ADGRL4: variants seen among roughly 807,000 people sequenced by gnomAD.
ADGRL4 encodes the protein adhesion G protein-coupled receptor L4.
ADGRL4 carries 90 observed loss-of-function variants against 74.8 expected under a neutral mutation model. The observed-to-expected ratio is 1.20, with a 90% confidence interval of 1.02 to 1.43. The LOEUF (loss-of-function observed/expected upper bound fraction) is 1.43, where lower values mean the gene tolerates loss of function less well. Ranked by LOEUF, ADGRL4 falls within the 40% of genes most tolerant of loss-of-function variation. ADGRL4 has a pLI of 0.00. For missense variants in ADGRL4, 881 were observed against 814.3 expected (o/e 1.08, Z -1.00); for synonymous variants, 311 against 279.2 (o/e 1.11, Z -1.14).
chr1:78,917,909 T>C lies in ADGRL4; in HGVS notation c.1603A>G (p.Ile535Val). The C allele has an allele frequency of 6.2e-7, 1 of 1,612,764 alleles. No homozygotes were observed. Among genetic ancestry groups the C allele is most frequent in the Non-Finnish European group, 8.5e-7 (1 of 1,179,162 alleles). The change falls in exon 11 of 15, where the codon ATC (isoleucine) becomes GTC (valine). Residue 535 changes from isoleucine (I) to valine (V), a missense_variant. By Grantham distance (29) the Ile-to-Val change is conservative (BLOSUM62 3). Coordinates refer to ENST00000370742, the MANE Select transcript of ADGRL4 (RefSeq NM_022159.4). ...ACGGCTGGGCTTAGATAGCCAAAGA[T>C]ATAAAAATTCTTGTGCAAAAATCCC... ...NKGFLHKNFYIFGYLSPAVVV... is the reference protein window; with the variant it reads ...NKGFLHKNFYVFGYLSPAVVV...
intron 12 of ADGRL4, among the ~76,000 whole-genome samples, chr1:78,903,518 G>A (rs1327819593): frequency 6.6e-6 from 1 of 152,078 alleles, no homozygotes; most frequent in Non-Finnish European, 1.5e-5. Flanking sequence ...GTTTTAAGAA[G>A]ACAATTTGAA....
intron 2 of ADGRL4, among the ~76,000 whole-genome samples, chr1:78,970,795 C>T (rs879795582): frequency 1.3e-5 from 2 of 152,160 alleles, no homozygotes; most frequent in Admixed American, 6.5e-5. Flanking sequence ...TGTCTCAGTA[C>T]TATGGGACAC....
At chr1:78,960,730 G>A (rs1262504609) in intron 2 of ADGRL4, among the ~76,000 whole-genome samples, 7 of 152,060 alleles carry the variant, frequency 4.6e-5, no homozygotes, top group Non-Finnish European at 5.9e-5. Context: ...CAGGTGAATG[G>A]AATTAGTGCC....
intron 12 of ADGRL4, among the ~76,000 whole-genome samples, chr1:78,895,429 A>G (rs1000598507): frequency 6.6e-6 from 1 of 152,030 alleles, no homozygotes; most frequent in Non-Finnish European, 1.5e-5. Context: ...ATAATCATAC[A>G]ATCCTTATAA....
intron 3 of ADGRL4, among the ~76,000 whole-genome samples, chr1:78,943,180 A>G (rs571532667): frequency 2.0e-5 from 3 of 152,336 alleles, no homozygotes; most frequent in African/African-American, 7.2e-5. Flanking sequence ...AGCTAGAAAA[A>G]AAAATCTACA....
At chr1:79,005,002 C>A in intron 2 of ADGRL4, 68 bp downstream of exon 2, 1 of 1,448,480 alleles carries the variant, frequency 6.9e-7, no homozygotes, top group Non-Finnish European at 9.4e-7. Flanking sequence ...TTCTGGAGGA[C>A]AGAAAAGCAG....
chr1:78,996,317 T>C (rs1570278908), intron 2 of ADGRL4, among the ~76,000 whole-genome samples: 2 of 145,586 alleles, frequency 1.4e-5, no homozygotes, highest in South Asian at 2.2e-4. Context: ...GCTCTAGATA[T>C]GGAGCTGCCT....
In ADGRL4 at chr1:78,913,855, T is replaced by C. The variant is rs566887183; in HGVS notation, c.1749+3779A>G. 4.6e-5 allele frequency among the ~76,000 whole-genome samples: 7 copies of C among 152,016 alleles called. No individual in the cohort carries two copies. In the South Asian group the frequency reaches 8.3e-4, roughly 18 times the overall value. ...TTTTTGTTCTGAATACTAAGCATCC[T>C]AGTGAGGGATAGCAAGGCCCCGACT... is the stretch of plus-strand genomic sequence containing the variant. On this transcript the variant is annotated intron_variant, in intron 12 of 14. Transcript: ENST00000370742.
chr1:78,895,651 C>T lies in ADGRL4; in HGVS notation c.1750-2462G>A, dbSNP rs181664596. ...GAGAAAAACAGCATAGGAAAATCTT[C>T]AAGGCTTGAGGAGCTAAGAAAGTGA... is the stretch of plus-strand genomic sequence containing the variant. On this transcript the variant is annotated intron_variant, in intron 12 of 14. Coordinates refer to ENST00000370742, the MANE Select transcript of ADGRL4 (RefSeq NM_022159.4). Among the ~76,000 whole-genome samples, 286 of 152,168 alleles carry T rather than the reference C, an allele frequency of 1.9e-3. 1 individual carries two copies. Among genetic ancestry groups the T allele is most frequent in the Middle Eastern group, 3.4e-3 (1 of 294 alleles).
intron 2 of ADGRL4, among the ~76,000 whole-genome samples, chr1:78,960,558 T>C (rs538425952): frequency 1.3e-3 from 194 of 152,270 alleles, no homozygotes; most frequent in Non-Finnish European, 2.2e-3. Context: ...GGAAATTGGA[T>C]ATATTGTTTT....
chr1:78,892,563 A>G (rs1648305801), intron 13 of ADGRL4, among the ~76,000 whole-genome samples: 1 of 152,150 alleles, frequency 6.6e-6, no homozygotes, highest in Non-Finnish European at 1.5e-5. Flanking sequence ...GTAATCGATC[A>G]AACATTTATT....
intron 7 of ADGRL4, among the ~76,000 whole-genome samples, chr1:78,935,670 G>C (rs1174015621): frequency 6.6e-6 from 1 of 152,134 alleles, no homozygotes; most frequent in Non-Finnish European, 1.5e-5. Context: ...TGACTTTGCT[G>C]TATAAGGAGT....
At chr1:78,928,861 G>A (rs1242525098) in intron 7 of ADGRL4, among the ~76,000 whole-genome samples, 1 of 151,412 alleles carries the variant, frequency 6.6e-6, no homozygotes, top group Admixed American at 6.6e-5. Context: ...CAAACTATTA[G>A]AAAACTACTG....
At chr1:78,898,262 C>A (rs1648439654) in intron 12 of ADGRL4, among the ~76,000 whole-genome samples, 1 of 152,054 alleles carries the variant, frequency 6.6e-6, no homozygotes, top group Non-Finnish European at 1.5e-5. Flanking sequence ...GTTTATATGG[C>A]AGTGTCTAAT....
chr1:78,977,484 T>G (rs1381524696), intron 2 of ADGRL4, among the ~76,000 whole-genome samples: 18 of 151,938 alleles, frequency 1.2e-4, no homozygotes, highest in Admixed American at 1.2e-3. Context: ...GAAGTTGAAT[T>G]TTTTAAATGC....
At chr1:78,975,596 C>T (rs567179888) in intron 2 of ADGRL4, among the ~76,000 whole-genome samples, 10 of 152,006 alleles carry the variant, frequency 6.6e-5, no homozygotes, top group Admixed American at 3.3e-4. Context: ...AAAATACAGA[C>T]TAAAACCCAA....
intron 2 of ADGRL4, among the ~76,000 whole-genome samples, chr1:78,949,198 G>A (rs906008706): frequency 1.3e-5 from 2 of 152,030 alleles, no homozygotes. Context: ...TGGAGTACAA[G>A]AAAATGAACC....
At chr1:78,973,474 T>A (rs573378794) in intron 2 of ADGRL4, among the ~76,000 whole-genome samples, 1 of 151,726 alleles carries the variant, frequency 6.6e-6, no homozygotes, top group African/African-American at 2.4e-5. Context: ...GAATACTTTA[T>A]GAGCAAGTAT....
intron 12 of ADGRL4, among the ~76,000 whole-genome samples, chr1:78,907,292 T>G (rs963582395): frequency 2.0e-5 from 3 of 152,090 alleles, no homozygotes; most frequent in Non-Finnish European, 4.4e-5. Flanking sequence ...AATAATCTTA[T>G]GTCCGTGATG....
Sources: gnomAD v4.1 joint callset for allele counts (sites outside exome capture counted in the v4.1 genomes callset) on GRCh38, gnomAD v4.1.1 for gene constraint, MANE v1.5 for transcripts, NCBI Gene and HGNC (gene_info 2026-07-23, HGNC 2026-07-21) for gene names.